Variants in NOP9 observed in about 807,000 individuals in gnomAD.
The protein encoded by NOP9 is NOP9 nucleolar protein, also known as nucleolar protein 9.
NOP9 carries 50 observed loss-of-function variants against 63.0 expected under a neutral mutation model. That is an observed-to-expected ratio of 0.79 (90% CI 0.63 to 1.00). NOP9 has a LOEUF of 1.00. Ranked by LOEUF, NOP9 falls within the 50% of genes least tolerant of loss-of-function variation. The pLI, the probability that NOP9 is intolerant of heterozygous loss-of-function variation, is 0.00. For missense variants in NOP9, 758 were observed against 803.0 expected, an observed-to-expected ratio of 0.94 and a Z score of 0.68; for synonymous variants, 343 against 332.8, an observed-to-expected ratio of 1.03 and a Z score of -0.33.
chr14:24,300,643 A>AGAGGAGGAGGAGGAGGAGGAGGAGGAG lies in NOP9; in HGVS notation c.509_510insGGAGGAGGAGGAGGAGGAGGAGGAGGA (p.Glu169_Asp170insGluGluGluGluGluGluGluGluGlu). ...TCCCTCGATTGCTGGGGAGTGCTGC[A>AGAGGAGGAGGAGGAGGAGGAGGAGGAG]GAGGAGGAGGAGGAGGAGGAGGAGG... On this transcript the variant is annotated inframe_insertion, in exon 2 of 10. Coordinates refer to ENST00000267425, the MANE Select transcript of NOP9 (RefSeq NM_174913.3). The AGAGGAGGAGGAGGAGGAGGAGGAGGAG allele has an allele frequency of 3.2e-6, 5 of 1,577,172 alleles. No individual in the cohort carries two copies. The highest frequency in any genetic ancestry group is 3.5e-6 in the Non-Finnish European group (4 of 1,150,982).
At chr14:24,271,993 T>C in the NOP9 span, among the ~76,000 whole-genome samples, 1 of 152,118 alleles carries the variant, frequency 6.6e-6, no homozygotes, top group African/African-American at 2.4e-5. Flanking sequence ...CACCTCTGCC[T>C]CTCTCTTCTC....
chr14:24,305,395 A>G lies in NOP9; in HGVS notation c.*300A>G, dbSNP rs113045056. 8.7e-4 allele frequency: 511 copies of G among 588,348 alleles called. 2 individuals carry two copies. The African/African-American group carries it at 8.8e-3, about 10-fold the overall frequency. The allele number at this position is 588,348 out of a possible 1,614,324, so 36.4% of individuals were successfully genotyped here. On this transcript the variant is annotated 3_prime_UTR_variant, in exon 10 of 10. Transcript: ENST00000267425. ...GGGGACATCTTGATCTTGGCCTTTC[A>G]GGGCAAGTGGGAGGCCAGAAAGGTG...
chr14:24,302,479 T>A (rs1408331451), intron 5 of NOP9, 55 bp downstream of exon 5: 1 of 1,498,894 alleles, frequency 6.7e-7, no homozygotes, highest in Non-Finnish European at 9.1e-7. Flanking sequence ...TCACTGGACC[T>A]TATTTTATGG....
chr14:24,277,249 A>T, the NOP9 span, among the ~76,000 whole-genome samples: 1 of 152,170 alleles, frequency 6.6e-6, no homozygotes. Context: ...GCATGAGAAG[A>T]GGAAGGGCTA....
chr14:24,305,988 CAT>C lies in NOP9; in HGVS notation c.*895_*896del, dbSNP rs771494020. The C allele has an allele frequency of 5.8e-5, 93 of 1,613,996 alleles. No individual in the cohort carries two copies. Among genetic ancestry groups the C allele is most frequent in the Non-Finnish European group, 7.1e-5 (84 of 1,180,012 alleles). On this transcript the variant is annotated 3_prime_UTR_variant, in exon 10 of 10. Coordinates refer to ENST00000267425, the MANE Select transcript of NOP9 (RefSeq NM_174913.3). ...GGCCAAGTCCTTGAAAGTCACAACT[CAT>C]AGAGTAGAGCCCGTAGAATGTGGCT...
intron 2 of NOP9, 63 bp downstream of exon 2, chr14:24,300,920 A>T (rs71405842): frequency 1.7e-5 from 23 of 1,339,316 alleles, no homozygotes; most frequent in Non-Finnish European, 2.4e-5. Context: ...TCAGAATGAG[A>T]CAGTAAACAG....
the NOP9 span, chr14:24,291,578 T>G: frequency 7.4e-6 from 12 of 1,614,188 alleles, no homozygotes; most frequent in Non-Finnish European, 9.3e-6. Context: ...CCACCACACA[T>G]TTGCCACTCA....
chr14:24,291,640 C>A, the NOP9 span: 8 of 1,613,488 alleles, frequency 5.0e-6, no homozygotes, highest in Non-Finnish European at 5.9e-6. Context: ...AACACAGGGG[C>A]AGAGAAGTGA....
Position 24,301,963 on chromosome 14 carries a change from A to G in NOP9, c.809-2A>G. 1 of 1,608,392 alleles carries G rather than the reference A, an allele frequency of 6.2e-7. No individual in the cohort carries two copies. The highest frequency in any genetic ancestry group is 1.1e-5 in the South Asian group (1 of 89,932). ...CGCTTTATTTCTGCCCTCTCTCCAC[A>G]GTGTTTATCACTGATAAGATCTCCA... On this transcript the variant is annotated splice_acceptor_variant, in intron 3 of 9. Coordinates refer to ENST00000267425, the MANE Select transcript of NOP9 (RefSeq NM_174913.3). LOFTEE classifies it high-confidence loss of function.
chr14:24,292,090 A>G, the NOP9 span: 2 of 1,491,396 alleles, frequency 1.3e-6, no homozygotes, highest in Non-Finnish European at 1.9e-6. Flanking sequence ...CTGCCACAGT[A>G]AGCACCTGGT....
the NOP9 span, among the ~76,000 whole-genome samples, chr14:24,290,069 C>A: frequency 6.6e-6 from 1 of 152,244 alleles, no homozygotes; most frequent in East Asian, 1.9e-4. Flanking sequence ...AGGAACACAC[C>A]CCATTGCCTT....
rs2041530426 is a variant in NOP9 at position 24,306,957 on chromosome 14, C to T, written c.*1862C>T. The T allele has an allele frequency of 3.9e-6, 1 of 256,894 alleles. No individual in the cohort carries two copies. Among genetic ancestry groups the T allele is most frequent in the African/African-American group, 2.2e-5 (1 of 45,742 alleles). The allele number at this position is 256,894 out of a possible 1,614,324, so 15.9% of individuals were successfully genotyped here. A position where few individuals can be genotyped will look rare whatever the true frequency, so the allele number is the denominator to read the frequency against. Reference sequence around the variant, plus strand: ...GTATGAGGACTTTACCTACATTATCCTCTTACTCCTTTCAACAACCCTAGG... The same window carrying T: ...GTATGAGGACTTTACCTACATTATCTTCTTACTCCTTTCAACAACCCTAGG... On this transcript the variant is annotated 3_prime_UTR_variant, in exon 10 of 10. Coordinates refer to ENST00000267425, the MANE Select transcript of NOP9 (RefSeq NM_174913.3).
At chr14:24,298,312 A>G (rs2041297274), upstream of NOP9, among the ~76,000 whole-genome samples, 1 of 152,210 alleles carries the variant, frequency 6.6e-6, no homozygotes, top group African/African-American at 2.4e-5. Flanking sequence ...TTGGCCACCC[A>G]AAGTGCTGGG....
chr14:24,285,433 G>A, the NOP9 span, among the ~76,000 whole-genome samples: 1 of 152,316 alleles, frequency 6.6e-6, no homozygotes, highest in South Asian at 2.1e-4. Flanking sequence ...TTAGACACAA[G>A]GGCCAGAGTG....
chr14:24,285,983 C>CA, the NOP9 span, among the ~76,000 whole-genome samples: 44 of 150,166 alleles, frequency 2.9e-4, no homozygotes, highest in East Asian at 9.8e-4. Flanking sequence ...GATAAACTGT[C>CA]AAAAAAAAAA....
chr14:24,305,365 G>A lies in NOP9; in HGVS notation c.*270G>A. The A allele has an allele frequency of 1.8e-6, 1 of 569,964 alleles. No homozygotes were observed. The highest frequency in any genetic ancestry group is 3.6e-5 in the Admixed American group (1 of 27,520). 35.3% of individuals were successfully genotyped at this position (569,964 alleles called of 1,614,324 possible). On this transcript the variant is annotated 3_prime_UTR_variant, in exon 10 of 10. Transcript: ENST00000267425. ...GCAGCAGTCAGGCTGGGATCAAGATGCCTGGGGGACATCTTGATCTTGGCC... is the reference window on the plus strand; with the variant it reads ...GCAGCAGTCAGGCTGGGATCAAGATACCTGGGGGACATCTTGATCTTGGCC...
chr14:24,306,494 C>T lies in NOP9; in HGVS notation c.*1399C>T. On this transcript the variant is annotated 3_prime_UTR_variant, in exon 10 of 10. Transcript: ENST00000267425. ...CATCCTCCTCTAGCACCAGGGTTAG[C>T]ACTCCATTCAGCAGTAGGGTCTCCA... 1.2e-6 allele frequency: 2 copies of T among 1,614,250 alleles called. 1 individual carries two copies. Among genetic ancestry groups the T allele is most frequent in the South Asian group, 2.2e-5 (2 of 91,086 alleles).
At chr14:24,291,572 C>G in the NOP9 span, 15 of 1,614,098 alleles carry the variant, frequency 9.3e-6, no homozygotes, top group Non-Finnish European at 1.3e-5. Flanking sequence ...CCAAAGCCAC[C>G]ACACATTTGC....
chr14:24,303,606 C>T, intron 6 of NOP9, 126 bp from the exon 7 acceptor site: 1 of 950,348 alleles, frequency 1.1e-6, no homozygotes, highest in Non-Finnish European at 1.7e-6. Context: ...GGCATGACAT[C>T]TGCTTTCATG....
Sources: allele counts gnomAD v4.1 joint callset (sites outside exome capture counted in the v4.1 genomes callset), GRCh38; gene constraint gnomAD v4.1.1; transcripts MANE v1.5; gene names NCBI Gene and HGNC (gene_info 2026-07-23, HGNC 2026-07-21).